POGLUT2: variants seen among roughly 807,000 people sequenced by gnomAD.
POGLUT2 encodes the protein ER protein 58.
Under a neutral mutation model 57.6 loss-of-function variants are expected in POGLUT2, and 47 were observed. The observed-to-expected ratio is 0.82, with a 90% confidence interval of 0.65 to 1.04. The LOEUF is 1.04. Ranked by LOEUF, POGLUT2 falls within the 50% of genes least tolerant of loss-of-function variation. The pLI is 0.00. For missense variants in POGLUT2, 565 were observed against 614.8 expected, an observed-to-expected ratio of 0.92 and a Z score of 0.86; for synonymous variants, 200 against 218.8, an observed-to-expected ratio of 0.91 and a Z score of 0.76.
intron 4 of POGLUT2, 200 bp downstream of exon 4, chr13:102,793,141 C>T (rs1392871436): frequency 7.7e-6 from 4 of 516,956 alleles, no homozygotes; most frequent in African/African-American, 5.8e-5. Flanking sequence ...TATTTTAAGG[C>T]TTCCAGTTTG....
intron 1 of POGLUT2, 23 bp downstream of exon 1, chr13:102,798,466 T>C: frequency 6.6e-7 from 1 of 1,524,516 alleles, no homozygotes; most frequent in Non-Finnish European, 8.8e-7. Context: ...CCAAAATAGG[T>C]AAGGAGCCGT....
chr13:102,798,379 C>A, intron 1 of POGLUT2, 110 bp downstream of exon 1: 1 of 998,926 alleles, frequency 1.0e-6, no homozygotes, highest in Non-Finnish European at 1.5e-6. Context: ...ACCAAATATC[C>A]TGGAATATAA....
In POGLUT2 at chr13:102,791,258, C is replaced by A; in HGVS notation, c.845G>T (p.Arg282Leu). The A allele has an allele frequency of 1.2e-6, 2 of 1,601,104 alleles. No homozygotes were observed. The highest frequency in any genetic ancestry group is 2.7e-5 in the African/African-American group (2 of 74,042). Residue 282 changes from arginine (R) to leucine (L), a missense_variant and splice_region_variant, in exon 5 of 10, where the codon CGG becomes CTG. Coordinates refer to ENST00000376004, the MANE Select transcript of POGLUT2 (RefSeq NM_024089.3). Reference sequence around the variant, plus strand: ...GGGCCAACCCTGACTTATCTCTCACCGGCCCATGGTTTCCAGAACAGAATC... The same window carrying A: ...GGGCCAACCCTGACTTATCTCTCACAGGCCCATGGTTTCCAGAACAGAATC... ...LTDSVLETMG[R>L]VSLDMMSVQA...
At chr13:102,787,754 G>C (rs1013797310) in intron 8 of POGLUT2, 80 bp downstream of exon 8, 2 of 703,514 alleles carry the variant, frequency 2.8e-6, no homozygotes, top group African/African-American at 3.6e-5. Context: ...CATATGTTTA[G>C]AAATTGTTAA....
Position 102,784,763 on chromosome 13 carries a change from C to T in POGLUT2, c.1492-251G>A, listed in dbSNP as rs186734704. On this transcript the variant is annotated intron_variant, in intron 9 of 9. Transcript: ENST00000376004. ...TACTGTAAAGGCCTCATGTTATGAA[C>T]AGTAGTGGTGAAAGACTAGGATAGA... 3.9e-5 allele frequency among the ~76,000 whole-genome samples: 6 copies of T among 152,232 alleles called. No individual in the cohort carries two copies. In the East Asian group the frequency reaches 1.2e-3, roughly 29 times the overall value.
Position 102,791,295 on chromosome 13 carries a change from A to G in POGLUT2, c.808T>C (p.Tyr270His). ...TDSKDIVMPT[Y>H]DLTDSVLETM... ...TCCAGAACAGAATCAGTCAAATCGTACGTAGGCATCACGATATCCTTGGAA... is the reference window on the plus strand; with the variant it reads ...TCCAGAACAGAATCAGTCAAATCGTGCGTAGGCATCACGATATCCTTGGAA... The change falls in exon 5 of 10, where the codon TAC (tyrosine) becomes CAC (histidine). Residue 270 changes from tyrosine to histidine, a missense_variant. Tyr to His is a moderately conservative substitution (Grantham distance 83). Coordinates refer to ENST00000376004, the MANE Select transcript of POGLUT2 (RefSeq NM_024089.3). The G allele has an allele frequency of 6.2e-7, 1 of 1,610,130 alleles. No homozygotes were observed. Among genetic ancestry groups the G allele is most frequent in the Non-Finnish European group, 8.5e-7 (1 of 1,179,048 alleles).
rs867787269 is a variant in POGLUT2, at chr13:102,784,624, C to T, written c.1492-112G>A. On this transcript the variant is annotated intron_variant, in intron 9 of 9. Transcript: ENST00000376004. ...AAGATGAGAGGGAGCCAAGCTGCTG[C>T]TAGAGGCTTTTAGGGCTTGGGACTA... 41 of 691,042 alleles carry T rather than the reference C, an allele frequency of 5.9e-5. No homozygotes were observed. In the Middle Eastern group the frequency reaches 1.3e-3, roughly 21 times the overall value. The allele number at this position is 691,042 out of a possible 1,614,324, so 42.8% of individuals were successfully genotyped here. A position where few individuals can be genotyped will look rare whatever the true frequency, so the allele number is the denominator to read the frequency against.
intron 6 of POGLUT2, among the ~76,000 whole-genome samples, chr13:102,790,003 A>G (rs142982018): frequency 3.3e-4 from 50 of 152,366 alleles, no homozygotes; most frequent in Non-Finnish European, 7.2e-4. Context: ...GTAATCTATC[A>G]TCTTTAGTTG....
intron 8 of POGLUT2, 113 bp downstream of exon 8, chr13:102,787,721 G>C (rs1409219360): frequency 6.1e-6 from 3 of 490,116 alleles, no homozygotes; most frequent in Non-Finnish European, 1.1e-5. Context: ...ATCCACAGAA[G>C]TATATATATC....
chr13:102,791,285 G>T lies in POGLUT2; in HGVS notation c.818C>A (p.Thr273Asn), dbSNP rs571230180. 6.2e-7 allele frequency: 1 copy of T among 1,607,964 alleles called. No individual in the cohort carries two copies. Among genetic ancestry groups the T allele is most frequent in the South Asian group, 1.1e-5 (1 of 89,756 alleles). The change falls in exon 5 of 10, where the codon ACT becomes AAT. Residue 273 changes from threonine (T) to asparagine (N), a missense_variant. Thr to Asn is a moderately conservative substitution (Grantham distance 65). Transcript: ENST00000376004. ...GCCCATGGTTTCCAGAACAGAATCAGTCAAATCGTACGTAGGCATCACGAT... is the reference window on the plus strand; with the variant it reads ...GCCCATGGTTTCCAGAACAGAATCATTCAAATCGTACGTAGGCATCACGAT... The part of the protein sequence containing the change: ...KDIVMPTYDL[T>N]DSVLETMGRV...
rs1161438612 is a variant in POGLUT2 at position 102,793,816 on chromosome 13, T to C, written c.389-10A>G. 2 of 1,609,806 alleles carry C rather than the reference T, an allele frequency of 1.2e-6. No homozygotes were observed. Among genetic ancestry groups the C allele is most frequent in the Non-Finnish European group, 1.7e-6 (2 of 1,176,142 alleles). On this transcript the variant is annotated splice_polypyrimidine_tract_variant and intron_variant, in intron 2 of 9. Coordinates refer to ENST00000376004, the MANE Select transcript of POGLUT2 (RefSeq NM_024089.3). ...TCATGGTAAACCGGCCCTATTTACA[T>C]AAGAATAACAAAGTACAACAGTGAT...
chr13:102,793,095 T>C (rs1878244876), intron 4 of POGLUT2: 1 of 413,386 alleles, frequency 2.4e-6, no homozygotes, highest in Non-Finnish European at 4.3e-6. Flanking sequence ...ATTTTGGACA[T>C]CTGGCCTCCA....
At chr13:102,792,055 T>C (rs1285033691) in intron 4 of POGLUT2, 2 of 1,289,186 alleles carry the variant, frequency 1.6e-6, no homozygotes, top group African/African-American at 3.0e-5. Flanking sequence ...TCCCATGGAT[T>C]GACAAAGAGG....
chr13:102,797,036 TA>T, intron 1 of POGLUT2, 27 bp from the exon 2 acceptor site: 1 of 1,528,436 alleles, frequency 6.5e-7, no homozygotes, highest in Non-Finnish European at 9.0e-7. Flanking sequence ...ATGGGGGAGA[TA>T]AACAGATTTT....
chr13:102,787,929 G>A lies in POGLUT2; in HGVS notation c.1294-6C>T, dbSNP rs760010033. ...GCTTTTGCTATCTTTTTGGCCTACA[G>A]GAAGAACAACGACAAAATCCTGTAA... On this transcript the variant is annotated splice_polypyrimidine_tract_variant and splice_region_variant and intron_variant, in intron 7 of 9. Coordinates refer to ENST00000376004, the MANE Select transcript of POGLUT2 (RefSeq NM_024089.3). The A allele has an allele frequency of 2.1e-5, 33 of 1,573,590 alleles. No homozygotes were observed. Among genetic ancestry groups the A allele is most frequent in the Non-Finnish European group, 2.6e-5 (30 of 1,150,976 alleles).
At chr13:102,787,189 GGT>G (rs979196750) in intron 8 of POGLUT2, among the ~76,000 whole-genome samples, 1 of 152,032 alleles carries the variant, frequency 6.6e-6, no homozygotes, top group African/African-American at 2.4e-5. Flanking sequence ...TGGGATTATA[GGT>G]GTGCACCACC....
intron 2 of POGLUT2, among the ~76,000 whole-genome samples, chr13:102,796,463 A>G (rs1444699431): frequency 6.6e-6 from 1 of 151,330 alleles, no homozygotes; most frequent in Non-Finnish European, 1.5e-5. Context: ...AACACTTATC[A>G]GTTACTTAAG....
intron 4 of POGLUT2, chr13:102,793,039 G>T (rs1436173410): frequency 1.1e-5 from 3 of 271,000 alleles, no homozygotes; most frequent in Non-Finnish European, 2.1e-5. Context: ...ACCTCCTAAA[G>T]TGCTAGGATT....
chr13:102,788,231 C>T (rs1266434104), intron 7 of POGLUT2, among the ~76,000 whole-genome samples: 1 of 152,216 alleles, frequency 6.6e-6, no homozygotes, highest in Admixed American at 6.5e-5. Flanking sequence ...TAGCCAGCTG[C>T]CTTCACAAAT....
Sources: gnomAD v4.1 joint callset for allele counts (sites outside exome capture counted in the v4.1 genomes callset) on GRCh38, gnomAD v4.1.1 for gene constraint, MANE v1.5 for transcripts, NCBI Gene and HGNC (gene_info 2026-07-23, HGNC 2026-07-21) for gene names.